Variants in CAMK2D observed in about 807,000 individuals in gnomAD.
CAMK2D encodes calcium/calmodulin dependent protein kinase II delta, also known as calcium/calmodulin-dependent protein kinase type II subunit delta.
Under a neutral mutation model 84.0 loss-of-function variants are expected in CAMK2D, and 37 were observed. The observed-to-expected ratio is 0.44, with a 90% CI of 0.34 to 0.58. The LOEUF is 0.58. Among genes scored for constraint, CAMK2D ranks in the 20% least tolerant of loss-of-function variants. CAMK2D has a pLI of 0.02. For missense variants in CAMK2D, 448 were observed against 652.5 expected, an observed-to-expected ratio of 0.69 and a Z score of 3.41; for synonymous variants, 202 against 212.5, an observed-to-expected ratio of 0.95 and a Z score of 0.43.
intron 10 of CAMK2D, among the ~76,000 whole-genome samples, chr4:113,514,278 T>C (rs1453470369): frequency 6.6e-6 from 1 of 152,080 alleles, no homozygotes; most frequent in African/African-American, 2.4e-5. Context: ...CCGGGCGTGG[T>C]GGTGGGCACC....
chr4:113,595,022 A>C (rs1050974568), intron 4 of CAMK2D, among the ~76,000 whole-genome samples: 3 of 152,262 alleles, frequency 2.0e-5, no homozygotes, highest in Admixed American at 1.3e-4. Flanking sequence ...TAGGCATACC[A>C]CATTCAAACA....
intron 8 of CAMK2D, among the ~76,000 whole-genome samples, chr4:113,520,279 A>G (rs1310311125): frequency 6.6e-6 from 1 of 152,014 alleles, no homozygotes; most frequent in African/African-American, 2.4e-5. Context: ...ATGGTGGCAC[A>G]TGCCTTTAGT....
At chr4:113,690,832 G>C (rs998635106) in intron 2 of CAMK2D, among the ~76,000 whole-genome samples, 4 of 152,090 alleles carry the variant, frequency 2.6e-5, no homozygotes, top group African/African-American at 9.7e-5. Context: ...TTCAAAAATG[G>C]CTGTTCTGTA....
In CAMK2D at chr4:113,607,096, G is replaced by A. The variant is rs139003251; in HGVS notation, c.275+2056C>T. Among the ~76,000 whole-genome samples the A allele has an allele frequency of 2.9e-3, 445 of 152,082 alleles. 3 individuals are homozygous for A. The highest frequency in any genetic ancestry group is 9.9e-3 in the African/African-American group (410 of 41,476). Reference sequence around the variant, plus strand: ...TCAGAAAAAGGAATACTAACAATTTGTTGCTAGCATACCTATCCTAAAAGA... The same window carrying A: ...TCAGAAAAAGGAATACTAACAATTTATTGCTAGCATACCTATCCTAAAAGA... On this transcript the variant is annotated intron_variant, in intron 4 of 20. Coordinates refer to ENST00000511664, the MANE Select transcript of CAMK2D (RefSeq NM_001321571.2).
chr4:113,696,213 C>G (rs1446797000), intron 2 of CAMK2D, among the ~76,000 whole-genome samples: 3 of 151,362 alleles, frequency 2.0e-5, no homozygotes, highest in African/African-American at 2.4e-5. Flanking sequence ...CACACACACA[C>G]ACACACACAC....
At chr4:113,599,701 A>G (rs1476087009) in intron 4 of CAMK2D, among the ~76,000 whole-genome samples, 3 of 152,350 alleles carry the variant, frequency 2.0e-5, no homozygotes, top group African/African-American at 7.2e-5. Context: ...GTTGATTAAC[A>G]CATATTTTGT....
At chr4:113,666,097 G>T (rs2099256195) in intron 2 of CAMK2D, among the ~76,000 whole-genome samples, 1 of 152,102 alleles carries the variant, frequency 6.6e-6, no homozygotes, top group Non-Finnish European at 1.5e-5. Flanking sequence ...TAATCTTTAT[G>T]CAAAAGAATA....
intron 18 of CAMK2D, among the ~76,000 whole-genome samples, chr4:113,458,578 G>A (rs968546257): frequency 2.0e-5 from 3 of 152,240 alleles, no homozygotes; most frequent in South Asian, 2.1e-4. Context: ...AGATGGTGTC[G>A]ATAGAGAGTT....
intron 2 of CAMK2D, among the ~76,000 whole-genome samples, chr4:113,724,862 A>G (rs2148677516): frequency 6.6e-6 from 1 of 152,088 alleles, no homozygotes; most frequent in Admixed American, 6.5e-5. Context: ...AACAGCTTCC[A>G]ACAATATATA....
chr4:113,654,618 G>T (rs1302771152), intron 3 of CAMK2D, among the ~76,000 whole-genome samples: 1 of 151,944 alleles, frequency 6.6e-6, no homozygotes, highest in Non-Finnish European at 1.5e-5. Flanking sequence ...CAAAAACATT[G>T]CTTTTTCAAT....
intron 2 of CAMK2D, among the ~76,000 whole-genome samples, chr4:113,704,780 T>G (rs1298991182): frequency 6.6e-6 from 1 of 152,074 alleles, no homozygotes; most frequent in Non-Finnish European, 1.5e-5. Context: ...TAGATCAAAT[T>G]TATCAGTGAA....
chr4:113,538,539 C>T (rs984006273), intron 6 of CAMK2D, among the ~76,000 whole-genome samples: 6 of 152,138 alleles, frequency 3.9e-5, no homozygotes, highest in African/African-American at 1.4e-4. Context: ...AAACAATGGA[C>T]TCTACAAATG....
At chr4:113,514,938 C>A in intron 10 of CAMK2D, 131 bp downstream of exon 10, 1 of 872,400 alleles carries the variant, frequency 1.1e-6, no homozygotes, top group South Asian at 1.6e-5. Flanking sequence ...TCTTAAACAC[C>A]TCGAGTCAAA....
At chr4:113,677,221 T>C (rs575596443) in intron 2 of CAMK2D, among the ~76,000 whole-genome samples, 58 of 152,296 alleles carry the variant, frequency 3.8e-4, no homozygotes, top group Middle Eastern at 3.4e-3. Context: ...CTCACATACA[T>C]AGCACAAATT....
chr4:113,732,396 T>C (rs1376924058), intron 2 of CAMK2D, among the ~76,000 whole-genome samples: 1 of 152,142 alleles, frequency 6.6e-6, no homozygotes, highest in Non-Finnish European at 1.5e-5. Flanking sequence ...ATGCTGGAAT[T>C]ACAGGTGTGA....
chr4:113,607,810 G>C (rs1031977808), intron 4 of CAMK2D, among the ~76,000 whole-genome samples: 3 of 151,740 alleles, frequency 2.0e-5, no homozygotes, highest in African/African-American at 7.3e-5. Flanking sequence ...GGATGCGCAT[G>C]ACACTACCCA....
chr4:113,712,157 C>T (rs1399087640), intron 2 of CAMK2D, among the ~76,000 whole-genome samples: 1 of 152,144 alleles, frequency 6.6e-6, no homozygotes, highest in Non-Finnish European at 1.5e-5. Flanking sequence ...GTCACTTATA[C>T]TTTCAAGTAT....
chr4:113,462,725 A>G (rs906802232), intron 17 of CAMK2D, among the ~76,000 whole-genome samples: 1 of 152,188 alleles, frequency 6.6e-6, no homozygotes, highest in African/African-American at 2.4e-5. Context: ...ATCTGTTTAT[A>G]AATTTAGAAA....
At chr4:113,517,124 A>G (rs2098295687) in intron 9 of CAMK2D, among the ~76,000 whole-genome samples, 2 of 152,044 alleles carry the variant, frequency 1.3e-5, no homozygotes, top group African/African-American at 2.4e-5. Flanking sequence ...AAAACAAAAA[A>G]CAAAACCCAG....
Sources: allele counts gnomAD v4.1 joint callset (sites outside exome capture counted in the v4.1 genomes callset), GRCh38; gene constraint gnomAD v4.1.1; transcripts MANE v1.5; gene names NCBI Gene and HGNC (gene_info 2026-07-23, HGNC 2026-07-21).